Variants in PDE11A observed in about 807,000 individuals in gnomAD.
PDE11A encodes dual 3',5'-cyclic-AMP and -GMP phosphodiesterase 11A.
In PDE11A, 100 loss-of-function variants were observed where a neutral mutation model predicts 100.5. The observed-to-expected ratio is 1.00, with a 90% CI of 0.85 to 1.18. The LOEUF is 1.18. PDE11A is among the 50% of genes most tolerant of loss of function. The probability of loss-of-function intolerance (pLI) is 0.00; values close to 1 mark genes in which losing one functional copy is unlikely to be tolerated. For synonymous variants in PDE11A, 381 were observed against 420.8 expected (o/e 0.91, Z 1.16); for missense variants, 1,141 against 1,152.6 (o/e 0.99, Z 0.15).
intron 15 of PDE11A, chr2:177,683,547 C>A (rs1410559237): frequency 6.6e-6 from 1 of 152,244 alleles, no homozygotes; most frequent in Non-Finnish European, 1.5e-5. Context: ...GAAGTTTGCG[C>A]TGTTTGCAGT....
intron 2 of PDE11A, among the ~76,000 whole-genome samples, chr2:178,009,275 A>T (rs2105823836): frequency 6.6e-6 from 1 of 152,312 alleles, no homozygotes; most frequent in African/African-American, 2.4e-5. Flanking sequence ...TAAATCAGCT[A>T]GTTTATACAT....
At chr2:177,664,800 T>A (rs57474263) in intron 18 of PDE11A, among the ~76,000 whole-genome samples, 5,240 of 152,244 alleles carry the variant, frequency 0.034, 309 homozygotes, top group African/African-American at 0.12. Flanking sequence ...AGTTATAACT[T>A]GCCCTCCCTT....
rs371434526 is a variant in PDE11A at position 177,853,635 on chromosome 2, CATATATATATATATATATATATATAT to C, written c.1368-13278_1368-13253del. Among the ~76,000 whole-genome samples, 165 of 36,228 alleles carry C rather than the reference CATATATATATATATATATATATATAT, an allele frequency of 4.6e-3. 3 individuals carry two copies. Among genetic ancestry groups the C allele is most frequent in the African/African-American group, 0.015 (144 of 9,582 alleles). The allele number at this position is 36,228 out of a possible 152,430, so 23.8% of individuals were successfully genotyped here. ...GGGCACACCTTCCCAACAAGTCCTG[CATATATATATATATATATATATATAT>C]ATATATATATATATATATATGTGTG... is the stretch of plus-strand genomic sequence containing the variant. On this transcript the variant is annotated intron_variant, in intron 5 of 19. Coordinates refer to ENST00000286063, the MANE Select transcript of PDE11A (RefSeq NM_016953.4).
intron 19 of PDE11A, among the ~76,000 whole-genome samples, chr2:177,641,271 G>GAAACA (rs1260319385): frequency 3.3e-5 from 5 of 152,182 alleles, no homozygotes; most frequent in African/African-American, 4.8e-5. Context: ...ATGAAATCCA[G>GAAACA]AAACAAAACA....
At position 177,645,177 on chromosome 2, in the gene PDE11A, T is replaced by C. The variant is rs1447451171; in HGVS notation, c.2647-15615A>G. Among the ~76,000 whole-genome samples the C allele has an allele frequency of 2.6e-5, 4 of 152,236 alleles. No individual in the cohort carries two copies. In the East Asian group the frequency reaches 7.7e-4, roughly 29 times the overall value. On this transcript the variant is annotated intron_variant, in intron 19 of 19. Coordinates refer to ENST00000286063, the MANE Select transcript of PDE11A (RefSeq NM_016953.4). ...AAAGATAAAGGAGAACTAGGTTTCT[T>C]TATCTTTTTCTTTCTTTTTTTGTTT... is the stretch of plus-strand genomic sequence containing the variant.
intron 10 of PDE11A, among the ~76,000 whole-genome samples, chr2:177,752,549 A>G (rs1483726285): frequency 6.6e-6 from 1 of 152,230 alleles, no homozygotes; most frequent in Non-Finnish European, 1.5e-5. Context: ...AGACGCATAT[A>G]CCCAAACATG....
intron 2 of PDE11A, among the ~76,000 whole-genome samples, chr2:177,999,417 A>G (rs2086116306): frequency 6.6e-6 from 1 of 152,252 alleles, no homozygotes. Context: ...CTACATCACA[A>G]GTATCACTGT....
At position 177,709,944 on chromosome 2, in the gene PDE11A, AG is replaced by A. The variant is rs150354782; in HGVS notation, c.2153+1824del. ...GGAGGACAGGGGTTGGGAGAAGGGAAGGAAGTGAACCCAGACAGCTTTCCAT... is the reference window on the plus strand; with the variant it reads ...GGAGGACAGGGGTTGGGAGAAGGGAAGAAGTGAACCCAGACAGCTTTCCAT... On this transcript the variant is annotated intron_variant, in intron 13 of 19. Coordinates refer to ENST00000286063, the MANE Select transcript of PDE11A (RefSeq NM_016953.4). Among the ~76,000 whole-genome samples, 147 of 152,238 alleles carry A rather than the reference AG, an allele frequency of 9.7e-4. 1 individual carries two copies. Among genetic ancestry groups the A allele is most frequent in the African/African-American group, 3.2e-3 (132 of 41,556 alleles).
intron 4 of PDE11A, among the ~76,000 whole-genome samples, chr2:177,894,406 C>T (rs922200662): frequency 1.3e-5 from 2 of 152,122 alleles, no homozygotes; most frequent in East Asian, 3.9e-4. Context: ...TCACTTTTAA[C>T]CTTTAGAGTT....
chr2:177,971,014 A>G (rs1559028630), intron 2 of PDE11A, among the ~76,000 whole-genome samples: 1 of 152,228 alleles, frequency 6.6e-6, no homozygotes, highest in Non-Finnish European at 1.5e-5. Context: ...TTTGATTAAA[A>G]TAGTCATCTG....
At chr2:178,083,151 G>A (rs1469076868) in intron 2 of PDE11A, among the ~76,000 whole-genome samples, 1 of 149,600 alleles carries the variant, frequency 6.7e-6, no homozygotes, top group African/African-American at 2.5e-5. Context: ...CTAGGCTGGA[G>A]TGCAGTGGCG....
In PDE11A at chr2:177,727,681, GAC is replaced by G; in HGVS notation, c.2018_2019del (p.Cys673SerfsTer32). The G allele has an allele frequency of 1.2e-6, 2 of 1,605,708 alleles. No homozygotes were observed. The highest frequency in any genetic ancestry group is 1.1e-5 in the South Asian group (1 of 90,922). On this transcript the variant is annotated frameshift_variant, in exon 12 of 20. Transcript: ENST00000286063. LOFTEE classifies it high-confidence loss of function. ...ACGGTTAACATCGCGAACATCAGCT[GAC>G]ACACGTTGAAGGCATGTCTCCAGTT... ...YHNWRHAFNV[C>X]QLMFAMLTTA...
At chr2:177,649,757 A>G (rs797010749) in intron 19 of PDE11A, among the ~76,000 whole-genome samples, 40 of 152,312 alleles carry the variant, frequency 2.6e-4, no homozygotes, top group African/African-American at 9.6e-4. Context: ...GAACTGGGTG[A>G]CTTGCAAAAA....
At chr2:177,767,751 A>G (rs934798) in intron 10 of PDE11A, among the ~76,000 whole-genome samples, 13,345 of 152,240 alleles carry the variant, frequency 0.088, 621 homozygotes, top group Middle Eastern at 0.16. Flanking sequence ...CTTCAGATGT[A>G]TTTATTCATT....
intron 2 of PDE11A, among the ~76,000 whole-genome samples, chr2:177,987,418 G>A (rs972977942): frequency 3.9e-5 from 6 of 152,128 alleles, no homozygotes; most frequent in Non-Finnish European, 7.4e-5. Flanking sequence ...TCTGAGGGAC[G>A]TTCTTATTGA....
chr2:177,663,854 A>G lies in PDE11A; in HGVS notation c.2646+12T>C. On this transcript the variant is annotated intron_variant, in intron 19 of 19. Transcript: ENST00000286063. ...TCAGTCAGAACATGTAGGCCCTCCC[A>G]AATCAAAGTACCTGATACAAAGGCA... 1 of 1,477,356 alleles carries G rather than the reference A, an allele frequency of 6.8e-7. No homozygotes were observed. The highest frequency in any genetic ancestry group is 9.5e-7 in the Non-Finnish European group (1 of 1,055,122). 91.5% of individuals were successfully genotyped at this position (1,477,356 alleles called of 1,614,324 possible).
chr2:177,829,887 T>G (rs1166777836), intron 6 of PDE11A, among the ~76,000 whole-genome samples: 2 of 152,132 alleles, frequency 1.3e-5, no homozygotes, highest in East Asian at 3.8e-4. Context: ...CACGGTCACT[T>G]CCCTGGTGAT....
intron 13 of PDE11A, among the ~76,000 whole-genome samples, chr2:177,701,498 A>G (rs1403193350): frequency 6.6e-6 from 1 of 152,210 alleles, no homozygotes; most frequent in Admixed American, 6.5e-5. Flanking sequence ...CAGACTAGTA[A>G]GAAAGATGAG....
intron 2 of PDE11A, among the ~76,000 whole-genome samples, chr2:177,979,282 A>C (rs1158214724): frequency 6.6e-6 from 1 of 150,510 alleles, no homozygotes; most frequent in Non-Finnish European, 1.5e-5. Flanking sequence ...TGACATATAA[A>C]ACTAGTGACT....
Sources: gnomAD v4.1 joint callset for allele counts (sites outside exome capture counted in the v4.1 genomes callset) on GRCh38, gnomAD v4.1.1 for gene constraint, MANE v1.5 for transcripts, NCBI Gene and HGNC (gene_info 2026-07-23, HGNC 2026-07-21) for gene names.